The following ATP2B4 variants were observed in gnomAD, a reference collection of about 807,000 sequenced individuals.
ATP2B4 encodes the protein ATPase plasma membrane Ca2+ transporting 4.
ATP2B4 carries 39 observed loss-of-function variants against 110.3 expected under a neutral mutation model. That is an observed-to-expected ratio of 0.35 (90% CI 0.27 to 0.46). The LOEUF (loss-of-function observed/expected upper bound fraction) is 0.46. Ranked by LOEUF, ATP2B4 falls within the 20% of genes least tolerant of loss-of-function variation. The pLI is 1.00. For synonymous variants in ATP2B4, 538 were observed against 571.7 expected (o/e 0.94, Z 0.84); for missense variants, 1,135 against 1,530.9 (o/e 0.74, Z 4.32).
chr1:203,635,955 G>A (rs937585427), intron 1 of ATP2B4, among the ~76,000 whole-genome samples: 7 of 152,104 alleles, frequency 4.6e-5, no homozygotes, highest in Non-Finnish European at 5.9e-5. Flanking sequence ...AGCCTCTCCT[G>A]TCCAGACAGG....
rs550354966 is a variant in ATP2B4 at position 203,673,076 on chromosome 1, T to C, written c.-464-9666T>C. The stretch of plus-strand genomic sequence containing the variant: ...AAGGAGACACATGGCAAGATCTTCC[T>C]GTGCCTTCCCATGTCAGCCTGGAGC... On this transcript the variant is annotated intron_variant, in intron 1 of 20. Transcript: ENST00000357681. Among the ~76,000 whole-genome samples, 10 of 152,354 alleles carry C rather than the reference T, an allele frequency of 6.6e-5. No homozygotes were observed. The South Asian group carries it at 2.1e-3, about 32-fold the overall frequency.
intron 20 of ATP2B4, among the ~76,000 whole-genome samples, chr1:203,734,169 C>T (rs1024876533): frequency 4.0e-5 from 6 of 151,802 alleles, no homozygotes; most frequent in South Asian, 2.1e-4. Flanking sequence ...GGCGTGGTGG[C>T]GGGCACCTGT....
intron 20 of ATP2B4, among the ~76,000 whole-genome samples, chr1:203,732,157 CAAAAA>C (rs567953858): frequency 2.1e-5 from 1 of 48,082 alleles, no homozygotes. Context: ...GCCTGGGTGT[CAAAAA>C]AAAAAAAAAA....
intron 20 of ATP2B4, among the ~76,000 whole-genome samples, chr1:203,731,487 C>G (rs1666710737): frequency 6.6e-6 from 1 of 152,054 alleles, no homozygotes; most frequent in African/African-American, 2.4e-5. Context: ...TTGATTTTGT[C>G]CTTGTTACTT....
At chr1:203,699,776 C>T in intron 4 of ATP2B4, 59 bp downstream of exon 4, 1 of 1,592,674 alleles carries the variant, frequency 6.3e-7, no homozygotes, top group Non-Finnish European at 8.6e-7. Flanking sequence ...AGGGATAGGT[C>T]CTTTGGCATG....
At chr1:203,691,838 C>G (rs1379362175) in intron 2 of ATP2B4, among the ~76,000 whole-genome samples, 1 of 152,150 alleles carries the variant, frequency 6.6e-6, no homozygotes, top group Non-Finnish European at 1.5e-5. Flanking sequence ...TACTCCTCCC[C>G]CTCAGTCCCC....
chr1:203,658,921 T>C (rs1664249327), intron 1 of ATP2B4, among the ~76,000 whole-genome samples: 1 of 152,000 alleles, frequency 6.6e-6, no homozygotes, highest in African/African-American at 2.4e-5. Context: ...GGAGAATTGC[T>C]TGAACCCAGG....
Position 203,683,414 on chromosome 1 carries a change from G to A in ATP2B4, c.193+16G>A, listed in dbSNP as rs781527015. On this transcript the variant is annotated intron_variant, in intron 2 of 20. Transcript: ENST00000357681. ...CCTGTGGAAGGTAAAGGCCATATCA[G>A]GGGTGGGGAGTTGGAGGAAGGTGGC... 1 of 1,574,274 alleles carries A rather than the reference G, an allele frequency of 6.4e-7. No homozygotes were observed. The highest frequency in any genetic ancestry group is 1.8e-5 in the Admixed American group (1 of 55,332).
intron 1 of ATP2B4, among the ~76,000 whole-genome samples, chr1:203,664,940 TC>T (rs1451879833): frequency 6.6e-6 from 1 of 152,160 alleles, no homozygotes; most frequent in Non-Finnish European, 1.5e-5. Context: ...CACGCCATTC[TC>T]CTGCCTCAGC....
intron 9 of ATP2B4, 126 bp downstream of exon 9, chr1:203,707,349 C>T (rs1345167890): frequency 9.6e-6 from 8 of 829,062 alleles, no homozygotes; most frequent in Admixed American, 5.7e-5. Flanking sequence ...CTCACAAGAG[C>T]AGAAGTCCCT....
chr1:203,737,599 A>T (rs1418274844), intron 20 of ATP2B4, among the ~76,000 whole-genome samples: 3 of 152,168 alleles, frequency 2.0e-5, no homozygotes, highest in Non-Finnish European at 4.4e-5. Flanking sequence ...ATTCCATCTG[A>T]TCTCACCTAG....
rs148976523 is a variant in ATP2B4 at position 203,712,420 on chromosome 1, G to A, written c.2211+281G>A. Among the ~76,000 whole-genome samples, 1,423 of 152,028 alleles carry A rather than the reference G, an allele frequency of 9.4e-3. 25 individuals are homozygous for A. Among genetic ancestry groups the A allele is most frequent in the African/African-American group, 0.029 (1,223 of 41,498 alleles). ...ATCCTGGCCAACATGGTGAAACCCC[G>A]TCTCTACCAAAAATACAAAAATTAG... On this transcript the variant is annotated intron_variant, in intron 13 of 20. Transcript: ENST00000357681.
At chr1:203,643,725 A>T (rs549346891) in intron 1 of ATP2B4, among the ~76,000 whole-genome samples, 1 of 152,348 alleles carries the variant, frequency 6.6e-6, no homozygotes, top group South Asian at 2.1e-4. Context: ...AGATGGTTTC[A>T]GATGCAGTGA....
chr1:203,719,581 G>A (rs185426335), intron 15 of ATP2B4, among the ~76,000 whole-genome samples: 6 of 151,502 alleles, frequency 4.0e-5, no homozygotes, highest in East Asian at 2.0e-4. Flanking sequence ...ATGGTGGTGC[G>A]TCCCTGTAAT....
intron 1 of ATP2B4, among the ~76,000 whole-genome samples, chr1:203,634,853 G>A (rs901463530): frequency 2.0e-5 from 3 of 151,908 alleles, no homozygotes; most frequent in African/African-American, 4.8e-5. Context: ...TTGTAGAGAC[G>A]GGGTTTCACC....
At chr1:203,714,345 T>C in intron 15 of ATP2B4, 68 bp downstream of exon 15, 1 of 1,557,724 alleles carries the variant, frequency 6.4e-7, no homozygotes, top group Non-Finnish European at 8.8e-7. Flanking sequence ...GTCCGGCTTC[T>C]GGTTGCCTGC....
chr1:203,669,209 G>A (rs1205651169), intron 1 of ATP2B4, among the ~76,000 whole-genome samples: 2 of 152,154 alleles, frequency 1.3e-5, no homozygotes, highest in Non-Finnish European at 2.9e-5. Flanking sequence ...GAGAGTAGAT[G>A]GATTCCTTCA....
In ATP2B4 at chr1:203,711,001, T is replaced by A; in HGVS notation, c.1924T>A (p.Tyr642Asn). 1.2e-6 allele frequency: 2 copies of A among 1,614,126 alleles called. No individual in the cohort carries two copies. The highest frequency in any genetic ancestry group is 1.7e-6 in the Non-Finnish European group (2 of 1,179,998). Residue 642 changes from tyrosine (Y) to asparagine (N), a missense_variant, in exon 12 of 21, where the codon TAC becomes AAC. Physicochemically the swap from Tyr to Asn is moderately radical, Grantham distance 143. This residue lies in a region of ATP2B4 where 368 missense variants were observed against 455.9 expected (regional missense o/e 0.81). Transcript: ENST00000357681. The stretch of plus-strand genomic sequence containing the variant: ...TGGACTCCGGACTATCTGCATAGCT[T>A]ACCGGGACTTCGATGACACAGAGCC... ...CDGLRTICIA[Y>N]RDFDDTEPSW...
At chr1:203,710,770 G>A in intron 11 of ATP2B4, 107 bp from the exon 12 acceptor site, 1 of 872,894 alleles carries the variant, frequency 1.1e-6, no homozygotes, top group South Asian at 1.6e-5. Context: ...CACACTTGGA[G>A]CAATGTCTTT....
Sources: gnomAD v4.1 joint callset for allele counts (sites outside exome capture counted in the v4.1 genomes callset) on GRCh38, gnomAD v4.1.1 for gene constraint, gnomAD v4.1.1 regional missense constraint, MANE v1.5 for transcripts, NCBI Gene and HGNC (gene_info 2026-07-23, HGNC 2026-07-21) for gene names.